The following SLC25A26 variants were observed in gnomAD, a reference collection of about 807,000 sequenced individuals.
The protein encoded by SLC25A26 is solute carrier family 25 member 26.
In SLC25A26, 36 loss-of-function variants were observed where a neutral mutation model predicts 37.8. The observed-to-expected ratio is 0.95, with a 90% CI of 0.73 to 1.26. The LOEUF is 1.26. Among genes scored for constraint, SLC25A26 ranks in the 50% most tolerant of loss-of-function variants. SLC25A26 has a pLI of 0.00. For missense variants in SLC25A26, 390 were observed against 331.1 expected (o/e 1.18, Z -1.38); for synonymous variants, 129 against 122.5 (o/e 1.05, Z -0.35).
intron 1 of SLC25A26, among the ~76,000 whole-genome samples, chr3:66,212,268 T>C (rs2071294458): frequency 1.3e-5 from 2 of 151,910 alleles, no homozygotes; most frequent in Non-Finnish European, 2.9e-5. Context: ...CACACCACCA[T>C]GCCTGGTTAA....
chr3:66,272,111 A>G (rs1272958224), intron 5 of SLC25A26, among the ~76,000 whole-genome samples: 2 of 152,166 alleles, frequency 1.3e-5, no homozygotes, highest in African/African-American at 2.4e-5. Context: ...TACATTTACC[A>G]AGTACTTAAA....
chr3:66,347,777 C>T (rs1005606176), intron 6 of SLC25A26, among the ~76,000 whole-genome samples: 12 of 152,124 alleles, frequency 7.9e-5, no homozygotes, highest in African/African-American at 1.7e-4. Context: ...ATACACACCA[C>T]GGAATACTAT....
At chr3:66,270,001 C>G (rs1272369340) in intron 5 of SLC25A26, among the ~76,000 whole-genome samples, 1 of 152,078 alleles carries the variant, frequency 6.6e-6, no homozygotes, top group Non-Finnish European at 1.5e-5. Flanking sequence ...TTTTTCACTG[C>G]TTTAAGTTTG....
chr3:66,221,222 C>G, intron 1 of SLC25A26, 95 bp downstream of exon 1: 1 of 1,326,182 alleles, frequency 7.5e-7, no homozygotes, highest in Non-Finnish European at 1.0e-6. Context: ...TCCGGTTTTG[C>G]GGGCTGGACT....
At chr3:66,363,900 T>A (rs2076768942) in intron 7 of SLC25A26, among the ~76,000 whole-genome samples, 1 of 152,172 alleles carries the variant, frequency 6.6e-6, no homozygotes, top group African/African-American at 2.4e-5. Flanking sequence ...CAATCCAGAT[T>A]GATTATGATG....
At chr3:66,236,745 G>C in intron 2 of SLC25A26, 45 bp downstream of exon 2, 1 of 1,422,968 alleles carries the variant, frequency 7.0e-7, no homozygotes, top group Non-Finnish European at 9.4e-7. Context: ...GATAAGATGG[G>C]ATTTTCAGAA....
intron 2 of SLC25A26, among the ~76,000 whole-genome samples, chr3:66,239,746 T>G (rs1045074278): frequency 6.6e-6 from 1 of 152,006 alleles, no homozygotes; most frequent in Non-Finnish European, 1.5e-5. Flanking sequence ...AAAGGTACTT[T>G]GCAGGAAGTG....
At chr3:66,274,971 A>G (rs1432462815) in intron 5 of SLC25A26, among the ~76,000 whole-genome samples, 1 of 152,124 alleles carries the variant, frequency 6.6e-6, no homozygotes, top group African/African-American at 2.4e-5. Context: ...TTGCGGCACT[A>G]TTCACAATAG....
intron 1 of SLC25A26, among the ~76,000 whole-genome samples, chr3:66,172,410 G>GAAAAAAAAAAAAAAAAAAAAAAAAA (rs1199322248): frequency 5.3e-5 from 4 of 75,200 alleles, no homozygotes; most frequent in African/African-American, 9.9e-5. Context: ...TACCTGTAAA[G>GAAAAAAAAAAAAAAAAAAAAAAAAA]AAAAAAAAAA....
chr3:66,219,421 G>C (rs1438506516), upstream of SLC25A26, among the ~76,000 whole-genome samples: 1 of 152,208 alleles, frequency 6.6e-6, no homozygotes. Context: ...AGTTGACTTT[G>C]AGTTAATAAA....
chr3:66,218,102 T>C (rs1181107657), upstream of SLC25A26, among the ~76,000 whole-genome samples: 4 of 66,790 alleles, frequency 6.0e-5, no homozygotes, highest in Non-Finnish European at 1.6e-4. Flanking sequence ...TCACAATACA[T>C]GTGGTCTTTT....
chr3:66,328,263 T>C (rs2075887041), intron 5 of SLC25A26, among the ~76,000 whole-genome samples: 1 of 152,184 alleles, frequency 6.6e-6, no homozygotes, highest in South Asian at 2.1e-4. Flanking sequence ...AAGAACAGGT[T>C]ATTTCATACA....
chr3:66,213,266 A>AC (rs2071310605), intron 1 of SLC25A26, among the ~76,000 whole-genome samples: 1 of 151,840 alleles, frequency 6.6e-6, no homozygotes, highest in Non-Finnish European at 1.5e-5. Context: ...CAGGTGTGGT[A>AC]GCCCATACCT....
At chr3:66,293,842 T>G (rs1035548170) in intron 5 of SLC25A26, among the ~76,000 whole-genome samples, 1 of 152,170 alleles carries the variant, frequency 6.6e-6, no homozygotes, top group Admixed American at 6.6e-5. Context: ...AGTGCTGCAG[T>G]GAACATACGT....
At chr3:66,238,220 G>A (rs1240567848) in intron 2 of SLC25A26, among the ~76,000 whole-genome samples, 2 of 152,096 alleles carry the variant, frequency 1.3e-5, no homozygotes, top group Non-Finnish European at 2.9e-5. Context: ...AGTTAGGGGT[G>A]TCGATCCCCT....
chr3:66,350,705 TGTGTGTGTGA>T (rs1412804422), intron 6 of SLC25A26, among the ~76,000 whole-genome samples: 2 of 131,946 alleles, frequency 1.5e-5, no homozygotes, highest in Non-Finnish European at 3.4e-5. Flanking sequence ...TGTGTGTGTG[TGTGTGTGTGA>T]GCGCGCGCGT....
intron 1 of SLC25A26, among the ~76,000 whole-genome samples, chr3:66,222,146 G>A (rs1290908768): frequency 6.6e-6 from 1 of 151,858 alleles, no homozygotes; most frequent in Non-Finnish European, 1.5e-5. Context: ...ACTTGTATAA[G>A]GTAGGTCTTA....
chr3:66,356,912 G>A (rs979320488), intron 6 of SLC25A26, among the ~76,000 whole-genome samples: 18 of 152,092 alleles, frequency 1.2e-4, no homozygotes, highest in Admixed American at 1.1e-3. Context: ...TTATAGGCAC[G>A]AGCCGCTGCA....
intron 1 of SLC25A26, among the ~76,000 whole-genome samples, chr3:66,227,338 C>T (rs1171600805): frequency 6.6e-6 from 1 of 152,122 alleles, no homozygotes. Flanking sequence ...TGTGTTACCA[C>T]TTTTCATTTT....
Sources: allele counts gnomAD v4.1 joint callset (sites outside exome capture counted in the v4.1 genomes callset), GRCh38; gene constraint gnomAD v4.1.1; transcripts MANE v1.5; gene names NCBI Gene and HGNC (gene_info 2026-07-23, HGNC 2026-07-21).